STXBP5L: variants seen among roughly 807,000 people sequenced by gnomAD.
The protein encoded by STXBP5L is syntaxin binding protein 5L, also known as syntaxin-binding protein 5-like.
A neutral mutation model predicts 144.5 loss-of-function variants in STXBP5L; 65 were observed. That is an observed-to-expected ratio of 0.45 (90% confidence interval 0.37 to 0.55). STXBP5L has a LOEUF of 0.55. STXBP5L is among the 20% of genes least tolerant of loss of function. STXBP5L has a pLI of 0.00. For synonymous variants in STXBP5L, 505 were observed against 469.6 expected (o/e 1.08, Z -0.97); for missense variants, 1,298 against 1,405.5 (o/e 0.92, Z 1.22).
At chr3:120,913,427 G>A (rs2107555610) in intron 2 of STXBP5L, among the ~76,000 whole-genome samples, 1 of 152,052 alleles carries the variant, frequency 6.6e-6, no homozygotes, top group East Asian at 1.9e-4. Flanking sequence ...AACCATTATA[G>A]TGGGCACTTG....
At chr3:121,095,831 A>G (rs2043092311) in intron 5 of STXBP5L, among the ~76,000 whole-genome samples, 1 of 152,098 alleles carries the variant, frequency 6.6e-6, no homozygotes, top group Non-Finnish European at 1.5e-5. Flanking sequence ...GCTGGTGAGG[A>G]ACTGTGTTCC....
intron 3 of STXBP5L, among the ~76,000 whole-genome samples, chr3:121,030,556 C>T (rs1201318335): frequency 1.3e-5 from 2 of 152,058 alleles, no homozygotes; most frequent in African/African-American, 2.4e-5. Flanking sequence ...GGATGGATAA[C>T]ATTAGGAGAA....
intron 9 of STXBP5L, among the ~76,000 whole-genome samples, chr3:121,184,428 C>T (rs1298374131): frequency 6.6e-6 from 1 of 151,304 alleles, no homozygotes; most frequent in Non-Finnish European, 1.5e-5. Flanking sequence ...ACACAAATAT[C>T]AATATCCAAA....
At chr3:120,976,461 G>A (rs1354034815) in intron 3 of STXBP5L, among the ~76,000 whole-genome samples, 2 of 152,156 alleles carry the variant, frequency 1.3e-5, no homozygotes, top group African/African-American at 2.4e-5. Context: ...CTTGCTAGCA[G>A]TGTATCAATT....
At chr3:121,180,393 A>G (rs1256152435) in intron 9 of STXBP5L, among the ~76,000 whole-genome samples, 2 of 152,190 alleles carry the variant, frequency 1.3e-5, no homozygotes, top group South Asian at 2.1e-4. Context: ...TGCTAAGAGA[A>G]TTTGCCACTA....
chr3:121,374,016 C>T (rs911023724), intron 20 of STXBP5L, among the ~76,000 whole-genome samples: 2 of 152,178 alleles, frequency 1.3e-5, no homozygotes, highest in Admixed American at 6.5e-5. Flanking sequence ...ACCACTGACA[C>T]CTGCATGTGC....
intron 20 of STXBP5L, among the ~76,000 whole-genome samples, chr3:121,333,587 T>G (rs1177517817): frequency 1.4e-5 from 2 of 147,552 alleles, no homozygotes; most frequent in Admixed American, 1.3e-4. Flanking sequence ...ATCAATGAAA[T>G]TAGGAGCTGG....
At chr3:121,344,616 G>A (rs376486046) in intron 20 of STXBP5L, among the ~76,000 whole-genome samples, 49 of 151,994 alleles carry the variant, frequency 3.2e-4, no homozygotes, top group African/African-American at 8.9e-4. Flanking sequence ...TAAAATCCAC[G>A]ACAATACAAA....
intron 9 of STXBP5L, among the ~76,000 whole-genome samples, chr3:121,197,583 C>A (rs1354887090): frequency 6.6e-6 from 1 of 151,958 alleles, no homozygotes; most frequent in Non-Finnish European, 1.5e-5. Context: ...TTTTGCTGCA[C>A]CTGTCAACCC....
chr3:121,389,907 T>G lies in STXBP5L; in HGVS notation c.2587+8375T>G, dbSNP rs2046532173. 2.6e-5 allele frequency among the ~76,000 whole-genome samples: 4 copies of G among 152,334 alleles called. No homozygotes were observed. The South Asian group carries it at 8.3e-4, about 32-fold the overall frequency. Reference sequence around the variant, plus strand: ...TCTGTAGATGTCTATTACGTCTGCTTGTTGCAGAGCTGAGTTCAAGTCCTG... The same window carrying G: ...TCTGTAGATGTCTATTACGTCTGCTGGTTGCAGAGCTGAGTTCAAGTCCTG... On this transcript the variant is annotated intron_variant, in intron 22 of 26. Coordinates refer to ENST00000471454, the MANE Select transcript of STXBP5L (RefSeq NM_001308330.2).
chr3:121,096,978 A>G (rs1413615492), intron 5 of STXBP5L, among the ~76,000 whole-genome samples: 2 of 152,134 alleles, frequency 1.3e-5, no homozygotes, highest in Non-Finnish European at 1.5e-5. Context: ...TGTCCCAGGG[A>G]CATGGGGGTT....
At chr3:120,942,189 A>G (rs1710600194) in intron 2 of STXBP5L, among the ~76,000 whole-genome samples, 1 of 151,762 alleles carries the variant, frequency 6.6e-6, no homozygotes, top group South Asian at 2.1e-4. Flanking sequence ...TAGCAGCTCC[A>G]ATCAAAGCAA....
intron 22 of STXBP5L, among the ~76,000 whole-genome samples, chr3:121,390,590 C>CA (rs1285836835): frequency 2.6e-5 from 4 of 152,122 alleles, no homozygotes; most frequent in African/African-American, 7.2e-5. Flanking sequence ...CTGGTGGTGA[C>CA]AAAATCTCTC....
chr3:121,223,217 A>G (rs1336197987), intron 11 of STXBP5L, 60 bp downstream of exon 11: 7 of 1,508,872 alleles, frequency 4.6e-6, no homozygotes, highest in Non-Finnish European at 6.2e-6. Flanking sequence ...ACAAGTTTCT[A>G]ACAAAATTAA....
chr3:121,027,632 G>A (rs1946046250), intron 3 of STXBP5L, among the ~76,000 whole-genome samples: 1 of 151,994 alleles, frequency 6.6e-6, no homozygotes, highest in Non-Finnish European at 1.5e-5. Context: ...CTAACTCCCT[G>A]TGTCTTTTTT....
In STXBP5L at chr3:120,999,861, C is replaced by T. The variant is rs1344740153; in HGVS notation, c.288-41839C>T. 2.0e-5 allele frequency among the ~76,000 whole-genome samples: 3 copies of T among 152,236 alleles called. No individual in the cohort carries two copies. The East Asian group carries it at 5.8e-4, about 29-fold the overall frequency. ...TTATTTGCTTGTCTGAAAAATATTT[C>T]ATTTCTCCTTTAGTTTGGTGGGATA... On this transcript the variant is annotated intron_variant, in intron 3 of 26. Transcript: ENST00000471454.
Position 121,205,925 on chromosome 3 carries a change from A to G in STXBP5L, c.880A>G (p.Lys294Glu). Reference sequence around the variant, plus strand: ...AATTAAATATTTTTTTTCTTTAGGAAAAAGTCAAAGAGAAGGAAGAAAATC... The same window carrying G: ...AATTAAATATTTTTTTTCTTTAGGAGAAAGTCAAAGAGAAGGAAGAAAATC... ...RPFQTTIPHG[K>E]SQREGRKSES... Residue 294 changes from lysine to glutamate, a missense_variant and splice_region_variant, in exon 10 of 27, where the codon AAA becomes GAA. Coordinates refer to ENST00000471454, the MANE Select transcript of STXBP5L (RefSeq NM_001308330.2). 6.7e-7 allele frequency: 1 copy of G among 1,482,022 alleles called. No individual in the cohort carries two copies. The highest frequency in any genetic ancestry group is 9.0e-7 in the Non-Finnish European group (1 of 1,109,800). 91.8% of individuals were successfully genotyped at this position (1,482,022 alleles called of 1,614,324 possible). A position where few individuals can be genotyped will look rare whatever the true frequency, so the allele number is the denominator to read the frequency against.
chr3:121,418,673 G>A lies in STXBP5L; in HGVS notation c.3447+116G>A, dbSNP rs149934488. The stretch of plus-strand genomic sequence containing the variant: ...ATAAGTAATCCTGTATGAGAATCAT[G>A]GTAACCTAGATCTCTTCTAAGTATT... On this transcript the variant is annotated intron_variant, in intron 26 of 26. Coordinates refer to ENST00000471454, the MANE Select transcript of STXBP5L (RefSeq NM_001308330.2). The A allele has an allele frequency of 2.8e-5, 28 of 1,003,396 alleles. No individual in the cohort carries two copies. The East Asian group carries it at 5.7e-4, about 21-fold the overall frequency. 62.2% of individuals were successfully genotyped at this position (1,003,396 alleles called of 1,614,324 possible). A position where few individuals can be genotyped will look rare whatever the true frequency, so the allele number is the denominator to read the frequency against.
intron 2 of STXBP5L, among the ~76,000 whole-genome samples, chr3:120,943,125 A>G (rs1710653012): frequency 1.3e-5 from 2 of 151,720 alleles, no homozygotes; most frequent in Non-Finnish European, 3.0e-5. Flanking sequence ...CTGGCTTTGT[A>G]AATAAAATTA....
Sources: gnomAD v4.1 joint callset for allele counts (sites outside exome capture counted in the v4.1 genomes callset) on GRCh38, gnomAD v4.1.1 for gene constraint, MANE v1.5 for transcripts, NCBI Gene and HGNC (gene_info 2026-07-23, HGNC 2026-07-21) for gene names.